The following CMC1 variants were observed in gnomAD, a reference collection of about 807,000 sequenced individuals.
The protein encoded by CMC1 is C-X9-C motif containing 1.
In CMC1, 14 loss-of-function variants were observed where a neutral mutation model predicts 14.1. The ratio of observed to expected loss-of-function variants is 0.99; its 90% confidence interval spans 0.66 to 1.55. The LOEUF is 1.55. Among genes scored for constraint, CMC1 ranks in the 40% most tolerant of loss-of-function variants. The probability of loss-of-function intolerance (pLI) is 0.00; values close to 1 mark genes in which losing one functional copy is unlikely to be tolerated. For missense variants in CMC1, 127 were observed against 123.8 expected, an observed-to-expected ratio of 1.03 and a Z score of -0.12; for synonymous variants, 50 against 38.4, an observed-to-expected ratio of 1.30 and a Z score of -1.12.
chr3:28,255,499 G>A (rs1344186910), intron 1 of CMC1, among the ~76,000 whole-genome samples: 1 of 151,920 alleles, frequency 6.6e-6, no homozygotes, highest in African/African-American at 2.4e-5. Context: ...GCCTGCTTCA[G>A]CCTCCCAAAG....
chr3:28,317,410 A>G (rs1702981690), intron 3 of CMC1: 1 of 152,032 alleles, frequency 6.6e-6, no homozygotes. Context: ...GTGCTTTACC[A>G]TATAGGAGTA....
chr3:28,309,246 A>G (rs1019875032), intron 2 of CMC1, among the ~76,000 whole-genome samples: 1 of 152,224 alleles, frequency 6.6e-6, no homozygotes, highest in African/African-American at 2.4e-5. Flanking sequence ...ACTCATAGGT[A>G]ACTGCCTTCT....
At position 28,301,598 on chromosome 3, in the gene CMC1, T is replaced by C. The variant is rs1213703497; in HGVS notation, c.110-14735T>C. 2.6e-5 allele frequency among the ~76,000 whole-genome samples: 4 copies of C among 151,970 alleles called. No individual in the cohort carries two copies. The East Asian group carries it at 7.7e-4, about 29-fold the overall frequency. On this transcript the variant is annotated intron_variant, in intron 2 of 3. Coordinates refer to ENST00000466830, the MANE Select transcript of CMC1 (RefSeq NM_182523.2). Reference sequence around the variant, plus strand: ...CATGAAAAATTCTACTGCGATCGAATTTGGAGAATTTACTGTCCTTATGGA... The same window carrying C: ...CATGAAAAATTCTACTGCGATCGAACTTGGAGAATTTACTGTCCTTATGGA...
At chr3:28,265,443 T>A (rs1699954861) in intron 2 of CMC1, among the ~76,000 whole-genome samples, 1 of 152,162 alleles carries the variant, frequency 6.6e-6, no homozygotes, top group Non-Finnish European at 1.5e-5. Flanking sequence ...TCCATTGTAG[T>A]TTATTTACTG....
intron 1 of CMC1, among the ~76,000 whole-genome samples, chr3:28,246,628 G>A (rs965010830): frequency 6.6e-6 from 1 of 151,984 alleles, no homozygotes; most frequent in Non-Finnish European, 1.5e-5. Context: ...AGGTACATGG[G>A]TATCTGTCTC....
At chr3:28,257,468 T>G (rs1699474284) in intron 1 of CMC1, among the ~76,000 whole-genome samples, 1 of 152,188 alleles carries the variant, frequency 6.6e-6, no homozygotes, top group African/African-American at 2.4e-5. Flanking sequence ...TTGGCTATTC[T>G]GAATAATGCT....
intron 2 of CMC1, among the ~76,000 whole-genome samples, chr3:28,278,501 A>G: frequency 6.6e-6 from 1 of 152,224 alleles, no homozygotes; most frequent in East Asian, 1.9e-4. Context: ...TTAGTGAACT[A>G]TCAGTAACAT....
chr3:28,256,323 G>A (rs918508760), intron 1 of CMC1, among the ~76,000 whole-genome samples: 1 of 152,050 alleles, frequency 6.6e-6, no homozygotes, highest in African/African-American at 2.4e-5. Flanking sequence ...GGGCAGGCTT[G>A]GAATTCTTGA....
rs1432656268 is a variant in CMC1 at position 28,287,177 on chromosome 3, G to A, written c.109+23797G>A. Among the ~76,000 whole-genome samples the A allele has an allele frequency of 2.0e-5, 3 of 152,074 alleles. No individual in the cohort carries two copies. In the South Asian group the frequency reaches 6.2e-4, roughly 32 times the overall value. On this transcript the variant is annotated intron_variant, in intron 2 of 3. Transcript: ENST00000466830. Reference sequence around the variant, plus strand: ...CTTATTCTGCCCAAATCCAAGAACAGACTCCAGTGAAGTGGCTTCTTCATG... The same window carrying A: ...CTTATTCTGCCCAAATCCAAGAACAAACTCCAGTGAAGTGGCTTCTTCATG...
At chr3:28,251,830 A>T (rs1360223084) in intron 1 of CMC1, among the ~76,000 whole-genome samples, 1 of 152,194 alleles carries the variant, frequency 6.6e-6, no homozygotes, top group Non-Finnish European at 1.5e-5. Context: ...ATATGAGGAA[A>T]AAAAGTAAAT....
At chr3:28,284,118 T>G (rs920949415) in intron 2 of CMC1, among the ~76,000 whole-genome samples, 4 of 152,184 alleles carry the variant, frequency 2.6e-5, no homozygotes, top group African/African-American at 9.7e-5. Flanking sequence ...TCCCTCTCAT[T>G]TTGGCTTCAG....
chr3:28,301,621 G>A (rs1220822090), intron 2 of CMC1, among the ~76,000 whole-genome samples: 1 of 149,096 alleles, frequency 6.7e-6, no homozygotes, highest in Non-Finnish European at 1.5e-5. Context: ...CTGTCCTTAT[G>A]GATGCTGTTT....
intron 2 of CMC1, among the ~76,000 whole-genome samples, chr3:28,307,244 G>A (rs1457839615): frequency 6.6e-6 from 1 of 152,160 alleles, no homozygotes; most frequent in African/African-American, 2.4e-5. Context: ...AATGGGATGA[G>A]AATACTATAT....
intron 1 of CMC1, among the ~76,000 whole-genome samples, chr3:28,248,761 C>T (rs1244628093): frequency 1.3e-5 from 2 of 152,122 alleles, no homozygotes; most frequent in Admixed American, 1.3e-4. Context: ...AGTTAACATT[C>T]TCCCCGACAA....
At chr3:28,278,352 A>G (rs960791995) in intron 2 of CMC1, among the ~76,000 whole-genome samples, 2 of 152,162 alleles carry the variant, frequency 1.3e-5, no homozygotes, top group African/African-American at 2.4e-5. Flanking sequence ...GAAGTGTCTT[A>G]TTAATTATTG....
chr3:28,311,919 A>G (rs563972727), intron 2 of CMC1, among the ~76,000 whole-genome samples: 1 of 152,300 alleles, frequency 6.6e-6, no homozygotes, highest in South Asian at 2.1e-4. Context: ...GATCTTTTCT[A>G]CATTATGTTT....
intron 2 of CMC1, among the ~76,000 whole-genome samples, chr3:28,265,002 ATATT>A: frequency 6.6e-6 from 1 of 152,266 alleles, no homozygotes; most frequent in Admixed American, 6.5e-5. Context: ...TAACTTTAAA[ATATT>A]TATTTGTGTT....
intron 1 of CMC1, among the ~76,000 whole-genome samples, chr3:28,261,010 G>A (rs188624070): frequency 6.6e-6 from 1 of 152,106 alleles, no homozygotes; most frequent in Non-Finnish European, 1.5e-5. Context: ...GCCAGATTGT[G>A]GTTTATCTTA....
chr3:28,318,580 T>C (rs1311247613), intron 3 of CMC1: 1 of 151,930 alleles, frequency 6.6e-6, no homozygotes, highest in African/African-American at 2.4e-5. Flanking sequence ...AGTCCAAAAA[T>C]GAACTGGGCT....
Sources: gnomAD v4.1 joint callset for allele counts (sites outside exome capture counted in the v4.1 genomes callset) on GRCh38, gnomAD v4.1.1 for gene constraint, MANE v1.5 for transcripts, NCBI Gene and HGNC (gene_info 2026-07-23, HGNC 2026-07-21) for gene names.